The following MYH10 variants were observed in gnomAD, a reference collection of about 807,000 sequenced individuals.
MYH10 encodes myosin heavy chain 10.
Under a neutral mutation model 257.8 loss-of-function variants are expected in MYH10, and 55 were observed. That is an observed-to-expected ratio of 0.21 (90% confidence interval 0.17 to 0.27). The LOEUF is 0.27. Among genes scored for constraint, MYH10 ranks in the 10% least tolerant of loss-of-function variants. MYH10 has a pLI of 1.00. For missense variants in MYH10, 1,631 were observed against 2,500.6 expected, an observed-to-expected ratio of 0.65 and a Z score of 7.42; for synonymous variants, 854 against 921.7, an observed-to-expected ratio of 0.93 and a Z score of 1.33.
intron 3 of MYH10, among the ~76,000 whole-genome samples, chr17:8,594,087 G>T (rs936141346): frequency 6.6e-6 from 1 of 152,096 alleles, no homozygotes; most frequent in Non-Finnish European, 1.5e-5. Flanking sequence ...AATAGTGCTA[G>T]AACAATTGAA....
In MYH10 at chr17:8,546,527, A is replaced by G; in HGVS notation, c.1278+17T>C. 1 of 1,594,700 alleles carries G rather than the reference A, an allele frequency of 6.3e-7. No homozygotes were observed. The highest frequency in any genetic ancestry group is 8.6e-7 in the Non-Finnish European group (1 of 1,163,196). On this transcript the variant is annotated intron_variant, in intron 12 of 42. Coordinates refer to ENST00000360416, the MANE Select transcript of MYH10 (RefSeq NM_001256012.3). ...TCATTCAAACAAATCAGTAATAACAATGAACATGAAACCTACCTGTTCTTT... is the reference window on the plus strand; with the variant it reads ...TCATTCAAACAAATCAGTAATAACAGTGAACATGAAACCTACCTGTTCTTT...
At chr17:8,618,660 A>G (rs1297510722) in intron 2 of MYH10, among the ~76,000 whole-genome samples, 1 of 152,212 alleles carries the variant, frequency 6.6e-6, no homozygotes, top group East Asian at 1.9e-4. Context: ...AAGTCTTTTT[A>G]CCCATGCATG....
At chr17:8,511,051 T>TATAC (rs2081268178) in intron 24 of MYH10, 1 of 44,260 alleles carries the variant, frequency 2.3e-5, no homozygotes, top group East Asian at 6.4e-4. Context: ...TATATATATA[T>TATAC]ATATATATAC....
chr17:8,591,404 C>T (rs78473190), intron 3 of MYH10, among the ~76,000 whole-genome samples: 7,706 of 152,222 alleles, frequency 0.051, 265 homozygotes, highest in Non-Finnish European at 0.078. Flanking sequence ...CTAGTTCTAG[C>T]TCTGCCACAA....
intron 30 of MYH10, among the ~76,000 whole-genome samples, chr17:8,498,405 C>A (rs78535898): frequency 0.012 from 1,825 of 152,300 alleles, 31 homozygotes; most frequent in African/African-American, 0.042. Flanking sequence ...TTTGTACACA[C>A]TTCTGCAATG....
intron 7 of MYH10, among the ~76,000 whole-genome samples, chr17:8,565,655 A>G (rs1166588377): frequency 1.3e-5 from 2 of 152,240 alleles, no homozygotes; most frequent in Admixed American, 6.5e-5. Flanking sequence ...AGCTTTTACT[A>G]TATTAGAATG....
chr17:8,611,854 G>T (rs2085051246), intron 2 of MYH10, among the ~76,000 whole-genome samples: 1 of 152,130 alleles, frequency 6.6e-6, no homozygotes, highest in Non-Finnish European at 1.5e-5. Context: ...AGAGATAATG[G>T]CTAAGAATTT....
intron 6 of MYH10, among the ~76,000 whole-genome samples, chr17:8,574,512 T>C (rs58552544): frequency 0.027 from 2,919 of 109,404 alleles, 76 homozygotes; most frequent in African/African-American, 0.081. Context: ...AATGGGTACA[T>C]TGAATGGTAT....
At chr17:8,515,666 C>T (rs1461279980) in intron 21 of MYH10, among the ~76,000 whole-genome samples, 1 of 150,694 alleles carries the variant, frequency 6.6e-6, no homozygotes, top group African/African-American at 2.4e-5. Context: ...CCTCAGCCTC[C>T]CGAGAAGCTG....
At chr17:8,577,739 C>A (rs2083550956) in intron 4 of MYH10, among the ~76,000 whole-genome samples, 1 of 152,160 alleles carries the variant, frequency 6.6e-6, no homozygotes, top group Non-Finnish European at 1.5e-5. Flanking sequence ...ACCATGTTGG[C>A]CAGGCTGGTC....
At chr17:8,494,595 C>T (rs1348745683) in intron 31 of MYH10, among the ~76,000 whole-genome samples, 1 of 152,100 alleles carries the variant, frequency 6.6e-6, no homozygotes, top group East Asian at 1.9e-4. Flanking sequence ...AATAAACACT[C>T]ATAAGTGTTT....
chr17:8,623,509 A>AAAAAGAAAAG (rs375815298), intron 1 of MYH10: 1 of 253,848 alleles, frequency 3.9e-6, no homozygotes, highest in African/African-American at 2.2e-5. Context: ...TGAGGGCAAA[A>AAAAAGAAAAG]AAAAGAAAAG....
intron 3 of MYH10, among the ~76,000 whole-genome samples, chr17:8,590,997 T>C (rs2152050056): frequency 1.3e-5 from 2 of 150,664 alleles, no homozygotes; most frequent in East Asian, 4.0e-4. Flanking sequence ...CTCAGTCTCC[T>C]GAGTAGCTGG....
chr17:8,575,302 A>T (rs186442051), intron 6 of MYH10, among the ~76,000 whole-genome samples: 52 of 152,336 alleles, frequency 3.4e-4, no homozygotes, highest in African/African-American at 1.1e-3. Flanking sequence ...AATTTGGAAA[A>T]CCTAAATCTG....
At chr17:8,609,821 A>T (rs2084956131) in intron 2 of MYH10, among the ~76,000 whole-genome samples, 1 of 152,152 alleles carries the variant, frequency 6.6e-6, no homozygotes, top group Admixed American at 6.5e-5. Flanking sequence ...TATCAGTAAT[A>T]ATAATACATA....
rs1263629780 is a variant in MYH10, at chr17:8,561,715, CAT to C, written c.757-7699_757-7698del. The C allele has an allele frequency of 1.8e-5, 11 of 604,764 alleles. No individual in the cohort carries two copies. The Admixed American group carries it at 3.0e-4, about 16-fold the overall frequency. 37.5% of individuals were successfully genotyped at this position (604,764 alleles called of 1,614,324 possible). On this transcript the variant is annotated intron_variant, in intron 7 of 42. Coordinates refer to ENST00000360416, the MANE Select transcript of MYH10 (RefSeq NM_001256012.3). ...GAGAAATGTTCCAAAATAATTCAGA[CAT>C]GTGGTCACTTACTTAGATAAATAAG...
At chr17:8,588,726 T>C (rs2084009161) in intron 4 of MYH10, among the ~76,000 whole-genome samples, 1 of 152,264 alleles carries the variant, frequency 6.6e-6, no homozygotes, top group South Asian at 2.1e-4. Flanking sequence ...TTTATTCTGC[T>C]GTGAATGTTT....
At chr17:8,621,100 G>A (rs1367343635) in intron 2 of MYH10, among the ~76,000 whole-genome samples, 1 of 152,192 alleles carries the variant, frequency 6.6e-6, no homozygotes, top group Non-Finnish European at 1.5e-5. Flanking sequence ...AGCTGCCAGT[G>A]TGGGAAATTA....
chr17:8,577,200 G>T (rs958528147), intron 5 of MYH10, 36 bp downstream of exon 5: 1 of 1,494,422 alleles, frequency 6.7e-7, no homozygotes, highest in Non-Finnish European at 9.3e-7. Flanking sequence ...TATAAAAGAA[G>T]AAGAAGATTT....
Sources: allele counts gnomAD v4.1 joint callset (sites outside exome capture counted in the v4.1 genomes callset), GRCh38; gene constraint gnomAD v4.1.1; transcripts MANE v1.5; gene names NCBI Gene and HGNC (gene_info 2026-07-23, HGNC 2026-07-21).